The following LYRM4 variants were observed in gnomAD, a reference collection of about 807,000 sequenced individuals.
LYRM4 encodes the protein LYR motif containing 4.
Under a neutral mutation model 11.7 loss-of-function variants are expected in LYRM4, and 9 were observed. That is an observed-to-expected ratio of 0.77 (90% CI 0.46 to 1.34). LYRM4 has a LOEUF of 1.34. Among genes scored for constraint, LYRM4 ranks in the 40% most tolerant of loss-of-function variants. LYRM4 has a pLI of 0.00. For missense variants in LYRM4, 133 were observed against 112.5 expected (o/e 1.18, Z -0.82); for synonymous variants, 42 against 40.4 (o/e 1.04, Z -0.15).
intron 2 of LYRM4, among the ~76,000 whole-genome samples, chr6:5,196,411 A>G: frequency 6.6e-6 from 1 of 152,204 alleles, no homozygotes. Context: ...CTAAGAGGTC[A>G]AGAGTCCAAA....
chr6:5,249,922 T>C (rs1263444034), intron 1 of LYRM4, among the ~76,000 whole-genome samples: 1 of 152,230 alleles, frequency 6.6e-6, no homozygotes, highest in African/African-American at 2.4e-5. Flanking sequence ...CAGCAAAGTC[T>C]GCATATGACT....
rs192502980 is a variant in LYRM4 at position 5,178,756 on chromosome 6, G to C, written c.207+37862C>G. ...GGAGGCGGAGGTGGCAGTGAGCTGA[G>C]ATCACGCCATTGCACTCCAGCCTGG... is the stretch of plus-strand genomic sequence containing the variant. On this transcript the variant is annotated intron_variant, in intron 2 of 2. Transcript: ENST00000330636. Among the ~76,000 whole-genome samples the C allele has an allele frequency of 2.2e-4, 26 of 116,542 alleles. 1 individual carries two copies. The highest frequency in any genetic ancestry group is 8.5e-4 in the African/African-American group (26 of 30,566). 76.5% of individuals were successfully genotyped at this position (116,542 alleles called of 152,430 possible).
At chr6:5,160,652 A>C (rs1581407153) in intron 2 of LYRM4, among the ~76,000 whole-genome samples, 7 of 147,760 alleles carry the variant, frequency 4.7e-5, no homozygotes, top group African/African-American at 7.5e-5. Context: ...TGATTATGAG[A>C]CCCCCCCCCC....
intron 2 of LYRM4, among the ~76,000 whole-genome samples, chr6:5,154,912 T>C (rs2127645138): frequency 6.6e-6 from 1 of 152,296 alleles, no homozygotes; most frequent in South Asian, 2.1e-4. Context: ...GAGGGGGGCA[T>C]CAGGGTTCAG....
intron 1 of LYRM4, among the ~76,000 whole-genome samples, chr6:5,244,551 C>T (rs1247027603): frequency 6.6e-6 from 1 of 152,116 alleles, no homozygotes; most frequent in African/African-American, 2.4e-5. Context: ...AGACTCCTCT[C>T]TGGGCTAGTT....
the LYRM4 span, among the ~76,000 whole-genome samples, chr6:5,049,728 G>C: frequency 6.7e-6 from 1 of 149,498 alleles, no homozygotes; most frequent in African/African-American, 2.5e-5. Flanking sequence ...GGAGTGCATT[G>C]GTGCAATCTT....
At chr6:5,251,191 CTG>C (rs1325636221) in intron 1 of LYRM4, among the ~76,000 whole-genome samples, 6 of 152,258 alleles carry the variant, frequency 3.9e-5, no homozygotes, top group African/African-American at 1.4e-4. Context: ...CACACACACA[CTG>C]TGAGTTTTCA....
chr6:5,197,846 G>A (rs1418026188), intron 2 of LYRM4, among the ~76,000 whole-genome samples: 1 of 152,032 alleles, frequency 6.6e-6, no homozygotes, highest in Non-Finnish European at 1.5e-5. Context: ...CTGAGAAATG[G>A]AGGAACTGGG....
intron 2 of LYRM4, chr6:5,113,067 T>C: frequency 5.1e-6 from 1 of 196,568 alleles, no homozygotes; most frequent in Non-Finnish European, 1.1e-5. Flanking sequence ...GTTAAAAAGA[T>C]CACCTTGTCT....
the LYRM4 span, among the ~76,000 whole-genome samples, chr6:5,074,756 A>G: frequency 2.0e-5 from 3 of 152,018 alleles, no homozygotes; most frequent in African/African-American, 4.8e-5. Context: ...GATTTCTCTA[A>G]GGTACTGGCT....
intron 1 of LYRM4, among the ~76,000 whole-genome samples, chr6:5,218,001 G>A (rs867211466): frequency 3.3e-5 from 5 of 151,868 alleles, no homozygotes; most frequent in South Asian, 2.1e-4. Context: ...GCAAACTCCT[G>A]GGCTCAAGTG....
chr6:5,174,224 A>C (rs536674383), intron 2 of LYRM4, among the ~76,000 whole-genome samples: 2 of 152,154 alleles, frequency 1.3e-5, no homozygotes, highest in Non-Finnish European at 2.9e-5. Flanking sequence ...GTTGGTGTTT[A>C]GAGCTTACAA....
rs73363052 is a variant in LYRM4, at chr6:5,193,300, A to C, written c.207+23318T>G. ...TGTACTATATGTGATTTAAAAAAAA[A>C]CCAGAAAACAAAAAAAAAACGCCTT... On this transcript the variant is annotated intron_variant, in intron 2 of 2. Transcript: ENST00000330636. 1.6e-3 allele frequency among the ~76,000 whole-genome samples: 245 copies of C among 151,244 alleles called. 2 individuals are homozygous for C. The highest frequency in any genetic ancestry group is 4.7e-3 in the African/African-American group (193 of 40,642).
intron 1 of LYRM4, among the ~76,000 whole-genome samples, chr6:5,223,434 T>C (rs1762702085): frequency 6.6e-6 from 1 of 152,186 alleles, no homozygotes; most frequent in Non-Finnish European, 1.5e-5. Flanking sequence ...CAGAGCTGGG[T>C]TCTGAACCCA....
chr6:5,133,838 T>C (rs568260838), intron 2 of LYRM4, among the ~76,000 whole-genome samples: 4 of 152,320 alleles, frequency 2.6e-5, no homozygotes, highest in Admixed American at 6.5e-5. Context: ...TCCGTAGACA[T>C]GCAGATGAAA....
intron 2 of LYRM4, among the ~76,000 whole-genome samples, chr6:5,142,189 A>G (rs1005418420): frequency 6.6e-6 from 1 of 152,194 alleles, no homozygotes; most frequent in African/African-American, 2.4e-5. Context: ...GTGACGCTGT[A>G]CAACTCCTGA....
At chr6:5,260,207 A>G (rs1259577484) in intron 1 of LYRM4, among the ~76,000 whole-genome samples, 1 of 152,214 alleles carries the variant, frequency 6.6e-6, no homozygotes, top group African/African-American at 2.4e-5. Context: ...GGGAGGTGCT[A>G]GAGTGTGCCT....
At chr6:5,184,405 G>A (rs1000839803) in intron 2 of LYRM4, among the ~76,000 whole-genome samples, 16 of 152,102 alleles carry the variant, frequency 1.1e-4, no homozygotes. Context: ...GAAGGCAGTA[G>A]GTATTAAACA....
At chr6:5,243,274 G>C (rs1763994183) in intron 1 of LYRM4, among the ~76,000 whole-genome samples, 1 of 152,166 alleles carries the variant, frequency 6.6e-6, no homozygotes, top group South Asian at 2.1e-4. Context: ...CTCATGCCCG[G>C]GGCGCACAGC....
Sources: gnomAD v4.1 joint callset for allele counts (sites outside exome capture counted in the v4.1 genomes callset) on GRCh38, gnomAD v4.1.1 for gene constraint, MANE v1.5 for transcripts, NCBI Gene and HGNC (gene_info 2026-07-23, HGNC 2026-07-21) for gene names.